SLC28A3: variants seen among roughly 807,000 people sequenced by gnomAD.
SLC28A3 encodes the protein solute carrier family 28 member 3, also known as concentrative Na(+)-nucleoside cotransporter 3.
Under a neutral mutation model 84.2 loss-of-function variants are expected in SLC28A3, and 68 were observed. That is an observed-to-expected ratio of 0.81 (90% CI 0.66 to 0.99). The LOEUF is 0.99. SLC28A3 is among the 50% of genes least tolerant of loss of function. The pLI is 0.00. For missense variants in SLC28A3, 712 were observed against 841.5 expected (o/e 0.85, Z 1.90); for synonymous variants, 267 against 303.6 (o/e 0.88, Z 1.25).
At chr9:84,314,596 GA>G (rs201858993) in intron 1 of SLC28A3, among the ~76,000 whole-genome samples, 6 of 145,206 alleles carry the variant, frequency 4.1e-5, no homozygotes, top group East Asian at 2.0e-4. Flanking sequence ...GAATAAACAT[GA>G]AAAAAAAGTT....
At chr9:84,339,579 T>A (rs1044945522) in intron 1 of SLC28A3, among the ~76,000 whole-genome samples, 2 of 152,174 alleles carry the variant, frequency 1.3e-5, no homozygotes, top group African/African-American at 4.8e-5. Flanking sequence ...TGAATAAAAT[T>A]TGCGTGCCTT....
intron 12 of SLC28A3, 111 bp from the exon 13 acceptor site, chr9:84,286,222 C>T (rs1034947676): frequency 2.0e-6 from 2 of 999,608 alleles, no homozygotes; most frequent in South Asian, 1.7e-5. Context: ...ACTCTAAGGC[C>T]CCTGCCTTGC....
chr9:84,278,464 G>A (rs139404659), intron 17 of SLC28A3, 120 bp from the exon 18 acceptor site: 40 of 1,329,968 alleles, frequency 3.0e-5, no homozygotes, highest in Non-Finnish European at 3.9e-5. Context: ...TCACATTCTG[G>A]TTAGGGTGGA....
At chr9:84,321,818 G>A (rs1233516809) in intron 1 of SLC28A3, among the ~76,000 whole-genome samples, 2 of 151,716 alleles carry the variant, frequency 1.3e-5, no homozygotes, top group Admixed American at 1.3e-4. Context: ...TTGGGAGGCT[G>A]AGGTGGGTGG....
At chr9:84,308,784 T>G (rs1825885416) in intron 3 of SLC28A3, among the ~76,000 whole-genome samples, 1 of 152,216 alleles carries the variant, frequency 6.6e-6, no homozygotes. Flanking sequence ...CTAATTCTCT[T>G]CCTCTCCTAG....
intron 8 of SLC28A3, among the ~76,000 whole-genome samples, chr9:84,295,253 T>C (rs752338239): frequency 9.2e-5 from 14 of 152,170 alleles, no homozygotes; most frequent in Admixed American, 7.9e-4. Context: ...AAAAAGTGAC[T>C]GCATTTTGGA....
chr9:84,338,040 T>C (rs1278812162), intron 1 of SLC28A3, among the ~76,000 whole-genome samples: 1 of 152,246 alleles, frequency 6.6e-6, no homozygotes, highest in African/African-American at 2.4e-5. Context: ...TCCATAGATA[T>C]GCATAACCAT....
chr9:84,283,030 TAGTTC>T (rs59820628), intron 14 of SLC28A3, among the ~76,000 whole-genome samples: 52,697 of 151,766 alleles, frequency 0.35, 11,671 homozygotes, highest in African/African-American at 0.62. Context: ...GCTTTTCATT[TAGTTC>T]AGTTCAGCTG....
At chr9:84,337,265 A>G (rs535269479) in intron 1 of SLC28A3, among the ~76,000 whole-genome samples, 1 of 152,078 alleles carries the variant, frequency 6.6e-6, no homozygotes, top group East Asian at 1.9e-4. Context: ...TTCTTTCTTG[A>G]GTTGGTATCC....
chr9:84,336,289 G>A (rs1038318168), intron 1 of SLC28A3, among the ~76,000 whole-genome samples: 3 of 152,062 alleles, frequency 2.0e-5, no homozygotes, highest in Non-Finnish European at 2.9e-5. Flanking sequence ...ATCATTTGAG[G>A]TCAGGAGTTT....
the SLC28A3 span, among the ~76,000 whole-genome samples, chr9:84,367,160 A>G: frequency 1.3e-5 from 2 of 152,162 alleles, no homozygotes; most frequent in East Asian, 3.9e-4. Flanking sequence ...AGCCACCACC[A>G]CCGCAGGCCA....
chr9:84,356,435 C>G, the SLC28A3 span, among the ~76,000 whole-genome samples: 1 of 152,186 alleles, frequency 6.6e-6, no homozygotes, highest in South Asian at 2.1e-4. Flanking sequence ...AGGTATTGTT[C>G]AGTGTGACTA....
upstream of SLC28A3, among the ~76,000 whole-genome samples, chr9:84,342,021 C>T (rs1007929731): frequency 6.7e-6 from 1 of 149,854 alleles, no homozygotes; most frequent in Non-Finnish European, 1.5e-5. Context: ...CCCAGCTACT[C>T]GGGAGGCTGA....
At chr9:84,329,156 G>A (rs1051029278) in intron 1 of SLC28A3, among the ~76,000 whole-genome samples, 2 of 152,040 alleles carry the variant, frequency 1.3e-5, no homozygotes, top group Non-Finnish European at 2.9e-5. Flanking sequence ...AATGGCAAAA[G>A]GGTCAATTTA....
chr9:84,359,750 A>G, the SLC28A3 span, among the ~76,000 whole-genome samples: 4 of 152,294 alleles, frequency 2.6e-5, no homozygotes, highest in South Asian at 8.3e-4. Context: ...CTGTAATCCT[A>G]GAACTTTGGG....
At position 84,340,644 on chromosome 9, in the gene SLC28A3, C is replaced by G; in HGVS notation, c.-11G>C. 1 of 1,614,144 alleles carries G rather than the reference C, an allele frequency of 6.2e-7. No individual in the cohort carries two copies. Among genetic ancestry groups the G allele is most frequent in the Non-Finnish European group, 8.5e-7 (1 of 1,180,020 alleles). On this transcript the variant is annotated 5_prime_UTR_variant, in exon 1 of 18. Transcript: ENST00000376238. ...ACTCCTCAGCTCCATGCTCTTTTTG[C>G]TGCTGGCTGGCTCTGGTCTGGAGGT...
In SLC28A3 at chr9:84,299,452, G is replaced by A. The variant is rs1053504618; in HGVS notation, c.669+129C>T. 3.8e-5 allele frequency: 46 copies of A among 1,223,836 alleles called. No homozygotes were observed. The African/African-American group carries it at 4.5e-4, about 12-fold the overall frequency. The allele number at this position is 1,223,836 out of a possible 1,614,324, so 75.8% of individuals were successfully genotyped here. Reference sequence around the variant, plus strand: ...CAGGAAGATAGGGCACCCTGGTCACGTTAAATAATCCCATCAAGGTAAGAA... The same window carrying A: ...CAGGAAGATAGGGCACCCTGGTCACATTAAATAATCCCATCAAGGTAAGAA... On this transcript the variant is annotated intron_variant, in intron 6 of 17. Transcript: ENST00000376238.
At chr9:84,305,012 A>C (rs900327845) in intron 4 of SLC28A3, among the ~76,000 whole-genome samples, 2 of 152,026 alleles carry the variant, frequency 1.3e-5, no homozygotes, top group Admixed American at 1.3e-4. Context: ...ACAGAGCTAG[A>C]CTCCATCTCA....
chr9:84,321,736 A>G (rs1826387872), intron 1 of SLC28A3, among the ~76,000 whole-genome samples: 1 of 140,556 alleles, frequency 7.1e-6, no homozygotes, highest in African/African-American at 2.8e-5. Context: ...TCCGTCTCAA[A>G]AAAAAAAAAA....
Sources: allele counts gnomAD v4.1 joint callset (sites outside exome capture counted in the v4.1 genomes callset), GRCh38; gene constraint gnomAD v4.1.1; transcripts MANE v1.5; gene names NCBI Gene and HGNC (gene_info 2026-07-23, HGNC 2026-07-21).